The following ME3 variants were observed in gnomAD, a reference collection of about 807,000 sequenced individuals.
The protein encoded by ME3 is malic enzyme 3, also known as NADP-dependent malic enzyme, mitochondrial.
ME3 carries 48 observed loss-of-function variants against 68.9 expected under a neutral mutation model. That is an observed-to-expected ratio of 0.70 (90% CI 0.55 to 0.89). The LOEUF (loss-of-function observed/expected upper bound fraction) is 0.89, where lower values mean the gene tolerates loss of function less well. ME3 is among the 40% of genes least tolerant of loss of function. The pLI, the probability that ME3 is intolerant of heterozygous loss-of-function variation, is 0.00. For synonymous variants in ME3, 320 were observed against 318.8 expected (o/e 1.00, Z -0.04); for missense variants, 675 against 797.4 (o/e 0.85, Z 1.85).
At chr11:86,597,819 A>G (rs1959783739) in intron 2 of ME3, among the ~76,000 whole-genome samples, 1 of 152,086 alleles carries the variant, frequency 6.6e-6, no homozygotes, top group Non-Finnish European at 1.5e-5. Context: ...GGGAGACATG[A>G]TACATCAATC....
At chr11:86,509,398 T>TCACACACACACACACACACA (rs3045014) in intron 4 of ME3, among the ~76,000 whole-genome samples, 4 of 144,544 alleles carry the variant, frequency 2.8e-5, no homozygotes, top group African/African-American at 9.8e-5. Flanking sequence ...TACTCCATCA[T>TCACACACACACACACACACA]CACACACACA....
At chr11:86,560,075 AAT>A (rs1957132874) in intron 2 of ME3, among the ~76,000 whole-genome samples, 1 of 152,122 alleles carries the variant, frequency 6.6e-6, no homozygotes, top group Non-Finnish European at 1.5e-5. Context: ...TCTTTTTCTT[AAT>A]ATATATGTTT....
intron 2 of ME3, among the ~76,000 whole-genome samples, chr11:86,658,559 A>G (rs1946071723): frequency 6.6e-6 from 1 of 151,998 alleles, no homozygotes; most frequent in Non-Finnish European, 1.5e-5. Flanking sequence ...GAGGCAGCTG[A>G]CTCTGTCCAG....
chr11:86,585,297 C>T (rs1337675291), intron 2 of ME3, among the ~76,000 whole-genome samples: 5 of 152,170 alleles, frequency 3.3e-5, no homozygotes, highest in African/African-American at 9.7e-5. Context: ...CAAGAATGTG[C>T]TGATAAATTA....
chr11:86,633,909 G>A (rs1267358928), intron 2 of ME3, among the ~76,000 whole-genome samples: 2 of 152,134 alleles, frequency 1.3e-5, no homozygotes. Context: ...ATGAGAGTAG[G>A]GCCACTGGCT....
At chr11:86,472,357 G>A (rs1594090927) in intron 7 of ME3, among the ~76,000 whole-genome samples, 4 of 152,302 alleles carry the variant, frequency 2.6e-5, no homozygotes, top group Middle Eastern at 3.4e-3. Context: ...GGAAGGTGGC[G>A]GGTGTTTTAG....
intron 2 of ME3, among the ~76,000 whole-genome samples, chr11:86,574,443 G>A (rs1002223535): frequency 2.4e-4 from 35 of 147,374 alleles, no homozygotes; most frequent in Non-Finnish European, 3.9e-4. Context: ...TGTTGTTGTT[G>A]TATTTGCTTT....
At chr11:86,556,785 G>A (rs1386217903) in intron 3 of ME3, 83 bp from the exon 4 acceptor site, 2 of 1,469,050 alleles carry the variant, frequency 1.4e-6, no homozygotes, top group East Asian at 4.6e-5. Context: ...AAGACCCAAG[G>A]CTCCTGTTCC....
intron 2 of ME3, among the ~76,000 whole-genome samples, chr11:86,595,662 G>C (rs1227214393): frequency 6.6e-6 from 1 of 152,230 alleles, no homozygotes; most frequent in Non-Finnish European, 1.5e-5. Context: ...GGGAAGTGTG[G>C]AGAACTGGGA....
intron 2 of ME3, among the ~76,000 whole-genome samples, chr11:86,654,422 G>A (rs1185986703): frequency 6.6e-6 from 1 of 152,150 alleles, no homozygotes; most frequent in Non-Finnish European, 1.5e-5. Flanking sequence ...TTCACCCCTG[G>A]GATGCAAGCC....
At chr11:86,554,707 G>GGT (rs1956846516) in intron 4 of ME3, among the ~76,000 whole-genome samples, 1 of 152,076 alleles carries the variant, frequency 6.6e-6, no homozygotes, top group Non-Finnish European at 1.5e-5. Flanking sequence ...AATCACCCAG[G>GGT]GTCAAGGAGA....
intron 9 of ME3, 105 bp from the exon 10 acceptor site, chr11:86,450,107 TG>T: frequency 1.0e-6 from 1 of 995,624 alleles, no homozygotes; most frequent in East Asian, 2.5e-5. Flanking sequence ...CCCACCTCAA[TG>T]ACTCCCAGGA....
intron 2 of ME3, among the ~76,000 whole-genome samples, chr11:86,596,367 T>G (rs1959455430): frequency 6.6e-6 from 1 of 152,242 alleles, no homozygotes; most frequent in African/African-American, 2.4e-5. Context: ...CTTGTACAAT[T>G]TTAATACTTT....
At chr11:86,653,046 T>C (rs1200364952) in intron 2 of ME3, among the ~76,000 whole-genome samples, 1 of 152,156 alleles carries the variant, frequency 6.6e-6, no homozygotes, top group African/African-American at 2.4e-5. Context: ...AAGAGCTAAC[T>C]ATCCTAAGTA....
At chr11:86,603,538 G>T (rs963166896) in intron 2 of ME3, among the ~76,000 whole-genome samples, 1 of 152,158 alleles carries the variant, frequency 6.6e-6, no homozygotes, top group Non-Finnish European at 1.5e-5. Flanking sequence ...ACAGTGTGGC[G>T]ATTCCTCAGG....
At chr11:86,462,783 A>G (rs1317351102) in intron 8 of ME3, 5 of 446,870 alleles carry the variant, frequency 1.1e-5, no homozygotes, top group Non-Finnish European at 2.2e-5. Flanking sequence ...ATGAAGTAAG[A>G]GAACTGACAG....
At chr11:86,607,071 G>A (rs1369584848) in intron 2 of ME3, among the ~76,000 whole-genome samples, 1 of 152,112 alleles carries the variant, frequency 6.6e-6, no homozygotes, top group Non-Finnish European at 1.5e-5. Flanking sequence ...TGTCACTGTT[G>A]TTGATCTGGA....
At chr11:86,662,912 C>T (rs976260338) in intron 2 of ME3, among the ~76,000 whole-genome samples, 1 of 152,188 alleles carries the variant, frequency 6.6e-6, no homozygotes, top group Non-Finnish European at 1.5e-5. Context: ...AATCCCTCTC[C>T]TGTTGGGAAG....
intron 2 of ME3, among the ~76,000 whole-genome samples, chr11:86,585,508 T>C (rs1379370818): frequency 6.6e-6 from 1 of 152,142 alleles, no homozygotes; most frequent in Admixed American, 6.5e-5. Context: ...ATGGTTGTGG[T>C]GTTCACTGAA....
Sources: gnomAD v4.1 joint callset for allele counts (sites outside exome capture counted in the v4.1 genomes callset) on GRCh38, gnomAD v4.1.1 for gene constraint, MANE v1.5 for transcripts, NCBI Gene and HGNC (gene_info 2026-07-23, HGNC 2026-07-21) for gene names.